Variants in DLGAP2 observed in about 807,000 individuals in gnomAD.
The protein encoded by DLGAP2 is DLG associated protein 2, also known as disks large-associated protein 2.
Under a neutral mutation model 100.3 loss-of-function variants are expected in DLGAP2, and 26 were observed. That is an observed-to-expected ratio of 0.26 (90% CI 0.19 to 0.36). The LOEUF is 0.36. Ranked by LOEUF, DLGAP2 falls within the 10% of genes least tolerant of loss-of-function variation. The pLI, the probability that DLGAP2 is intolerant of heterozygous loss-of-function variation, is 1.00. For synonymous variants in DLGAP2, 886 were observed against 630.1 expected, an observed-to-expected ratio of 1.41 and a Z score of -6.08; for missense variants, 1,858 against 1,453.2, an observed-to-expected ratio of 1.28 and a Z score of -4.53.
chr8:1,191,629 C>T (rs998272983), intron 2 of DLGAP2, among the ~76,000 whole-genome samples: 4 of 150,528 alleles, frequency 2.7e-5, no homozygotes, highest in East Asian at 2.0e-4. Context: ...TATCTGGGTC[C>T]GTTCTCTGTT....
chr8:1,135,238 C>T (rs9314423), intron 2 of DLGAP2, among the ~76,000 whole-genome samples: 83,227 of 151,956 alleles, frequency 0.55, 24,377 homozygotes, highest in African/African-American at 0.77. Context: ...TTAACAAATA[C>T]ATGTCAGTTA....
rs1041179670 is a variant in DLGAP2, at chr8:1,286,830, G to A, written c.106+27947G>A. Among the ~76,000 whole-genome samples the A allele has an allele frequency of 3.3e-5, 5 of 152,366 alleles. No homozygotes were observed. The South Asian group carries it at 8.3e-4, about 25-fold the overall frequency. ...TCCTGTGGAAGGATTAGAGTTGTTAGGCCGTATGGGGAAAGTGACTTGATT... is the reference window on the plus strand; with the variant it reads ...TCCTGTGGAAGGATTAGAGTTGTTAAGCCGTATGGGGAAAGTGACTTGATT... On this transcript the variant is annotated intron_variant, in intron 3 of 14. Coordinates refer to ENST00000637795, the MANE Select transcript of DLGAP2 (RefSeq NM_001346810.2).
At chr8:1,261,359 C>T (rs1305181497) in intron 3 of DLGAP2, among the ~76,000 whole-genome samples, 1 of 139,452 alleles carries the variant, frequency 7.2e-6, no homozygotes, top group East Asian at 2.2e-4. Flanking sequence ...ACTGGGAGGG[C>T]AGGTCAGCTT....
intron 8 of DLGAP2, among the ~76,000 whole-genome samples, chr8:1,635,960 T>A (rs376193068): frequency 1.2e-4 from 19 of 152,184 alleles, no homozygotes; most frequent in African/African-American, 4.3e-4. Context: ...ACCAGGGAAC[T>A]CCAGTAAGAA....
At chr8:1,307,777 G>T (rs1489663999) in intron 3 of DLGAP2, among the ~76,000 whole-genome samples, 1 of 152,166 alleles carries the variant, frequency 6.6e-6, no homozygotes, top group Non-Finnish European at 1.5e-5. Context: ...CAAAAGGAGA[G>T]TGACTGTGAT....
At chr8:984,749 T>C (rs985268422) in intron 2 of DLGAP2, among the ~76,000 whole-genome samples, 17 of 152,360 alleles carry the variant, frequency 1.1e-4, no homozygotes, top group African/African-American at 3.8e-4. Flanking sequence ...TTTACATTTT[T>C]AATTATTTAG....
At chr8:1,677,777 A>T (rs1402307357) in intron 11 of DLGAP2, among the ~76,000 whole-genome samples, 4 of 152,252 alleles carry the variant, frequency 2.6e-5, no homozygotes, top group African/African-American at 9.6e-5. Flanking sequence ...TTATCCAGAC[A>T]GAAGTGGCTC....
intron 1 of DLGAP2, among the ~76,000 whole-genome samples, chr8:774,355 A>G (rs994195628): frequency 7.6e-4 from 116 of 152,294 alleles, no homozygotes; most frequent in African/African-American, 2.6e-3. Flanking sequence ...TAGTTTAATT[A>G]GATCCCATTT....
At chr8:1,528,163 A>G (rs1195857540) in intron 4 of DLGAP2, among the ~76,000 whole-genome samples, 1 of 151,946 alleles carries the variant, frequency 6.6e-6, no homozygotes, top group Non-Finnish European at 1.5e-5. Flanking sequence ...TGAAAACAGC[A>G]CCTCCTCCTG....
rs76507715 is a variant in DLGAP2, at chr8:1,178,003, G to A, written c.74-80848G>A. 5.3e-5 allele frequency among the ~76,000 whole-genome samples: 8 copies of A among 152,318 alleles called. No homozygotes were observed. In the East Asian group the frequency reaches 1.5e-3, roughly 29 times the overall value. On this transcript the variant is annotated intron_variant, in intron 2 of 14. Transcript: ENST00000637795. Reference sequence around the variant, plus strand: ...TCTCCCGGTGAAGGGCTGTGGCCGTGGCCAGTGGTGGTGAAGGGATTCGGC... The same window carrying A: ...TCTCCCGGTGAAGGGCTGTGGCCGTAGCCAGTGGTGGTGAAGGGATTCGGC...
At chr8:752,650 A>C (rs1032394655) in intron 1 of DLGAP2, among the ~76,000 whole-genome samples, 1 of 152,132 alleles carries the variant, frequency 6.6e-6, no homozygotes, top group African/African-American at 2.4e-5. Context: ...TGAAGGCTTA[A>C]ATTCCCTCCT....
At chr8:1,209,284 G>C (rs12550662) in intron 2 of DLGAP2, among the ~76,000 whole-genome samples, 1 of 152,066 alleles carries the variant, frequency 6.6e-6, no homozygotes, top group East Asian at 1.9e-4. Context: ...AAACAGCATG[G>C]TACTGGCATA....
At chr8:1,286,226 C>G (rs1799918023) in intron 3 of DLGAP2, among the ~76,000 whole-genome samples, 1 of 152,146 alleles carries the variant, frequency 6.6e-6, no homozygotes, top group Non-Finnish European at 1.5e-5. Flanking sequence ...TCTCCTGCCG[C>G]CCTTGTGAAG....
intron 2 of DLGAP2, among the ~76,000 whole-genome samples, chr8:1,258,601 A>G (rs1799278398): frequency 6.9e-6 from 1 of 144,058 alleles, no homozygotes; most frequent in South Asian, 2.1e-4. Context: ...TAAAATTAAA[A>G]AAAATTTTTT....
intron 4 of DLGAP2, among the ~76,000 whole-genome samples, chr8:1,533,219 C>G (rs1801040660): frequency 3.3e-5 from 5 of 151,776 alleles, no homozygotes; most frequent in African/African-American, 1.2e-4. Context: ...TGTTTTTCAA[C>G]CGGGCGCAGT....
At chr8:801,719 C>T (rs1458970523) in intron 1 of DLGAP2, among the ~76,000 whole-genome samples, 1 of 152,154 alleles carries the variant, frequency 6.6e-6, no homozygotes, top group Non-Finnish European at 1.5e-5. Context: ...TCCCACTCTC[C>T]AGCAATGTGA....
chr8:1,250,031 C>G (rs1010385917), intron 2 of DLGAP2, among the ~76,000 whole-genome samples: 2 of 152,132 alleles, frequency 1.3e-5, no homozygotes, highest in African/African-American at 4.8e-5. Context: ...CAGGTGCATG[C>G]TGCCATACCC....
intron 1 of DLGAP2, among the ~76,000 whole-genome samples, chr8:882,298 G>A (rs1243165762): frequency 6.6e-6 from 1 of 150,792 alleles, no homozygotes; most frequent in Admixed American, 6.6e-5. Flanking sequence ...CTCTCCCTGC[G>A]GAGGCCTCTC....
intron 2 of DLGAP2, among the ~76,000 whole-genome samples, chr8:1,242,712 A>G (rs557409600): frequency 3.9e-5 from 6 of 152,298 alleles, no homozygotes; most frequent in African/African-American, 1.2e-4. Context: ...GAGTGAGTGC[A>G]TAGGTGGGTG....
Sources: gnomAD v4.1 joint callset for allele counts (sites outside exome capture counted in the v4.1 genomes callset) on GRCh38, gnomAD v4.1.1 for gene constraint, MANE v1.5 for transcripts, NCBI Gene and HGNC (gene_info 2026-07-23, HGNC 2026-07-21) for gene names.